Variants in DPP6 observed in about 807,000 individuals in gnomAD.
DPP6 encodes A-type potassium channel modulatory protein DPP6.
In DPP6, 69 loss-of-function variants were observed where a neutral mutation model predicts 122.6. The ratio of observed to expected loss-of-function variants is 0.56; its 90% CI spans 0.46 to 0.69. The LOEUF (loss-of-function observed/expected upper bound fraction) is 0.69. Ranked by LOEUF, DPP6 falls within the 30% of genes least tolerant of loss-of-function variation. The pLI, the probability that DPP6 is intolerant of heterozygous loss-of-function variation, is 0.00. For synonymous variants in DPP6, 418 were observed against 433.1 expected (o/e 0.97, Z 0.43); for missense variants, 928 against 1,116.9 (o/e 0.83, Z 2.41).
chr7:153,936,891 C>T (rs931762130), intron 1 of DPP6, among the ~76,000 whole-genome samples: 4 of 152,158 alleles, frequency 2.6e-5, no homozygotes, highest in South Asian at 2.1e-4. Flanking sequence ...ACGCTTCTGT[C>T]GTTTATGCCA....
chr7:154,473,342 T>G (rs1822455479), intron 2 of DPP6, among the ~76,000 whole-genome samples: 1 of 152,186 alleles, frequency 6.6e-6, no homozygotes, highest in Non-Finnish European at 1.5e-5. Context: ...AGAACTTGGT[T>G]TGGTTTAATG....
chr7:153,829,533 T>A, the DPP6 span, among the ~76,000 whole-genome samples: 2 of 152,184 alleles, frequency 1.3e-5, no homozygotes, highest in East Asian at 3.8e-4. Flanking sequence ...CTTTTTTGTC[T>A]CTCTCCTTCC....
the DPP6 span, among the ~76,000 whole-genome samples, chr7:153,870,978 C>G: frequency 1.3e-5 from 2 of 152,284 alleles, no homozygotes; most frequent in East Asian, 1.9e-4. Context: ...ATTGGTGAAC[C>G]TCAAATGCTG....
intron 4 of DPP6, among the ~76,000 whole-genome samples, chr7:154,547,949 G>A (rs551531496): frequency 9.9e-5 from 15 of 151,806 alleles, no homozygotes; most frequent in Middle Eastern, 6.9e-3. Context: ...TGGCTCACGC[G>A]TGTAATCCCA....
the DPP6 span, among the ~76,000 whole-genome samples, chr7:153,826,839 A>AAT: frequency 1.5e-5 from 2 of 129,940 alleles, no homozygotes; most frequent in African/African-American, 2.7e-5. Flanking sequence ...ATATTCAGCA[A>AAT]ATATATATAT....
intron 3 of DPP6, 29 bp downstream of exon 3, chr7:154,475,066 A>G (rs370405076): frequency 3.2e-6 from 5 of 1,553,758 alleles, no homozygotes; most frequent in African/African-American, 2.7e-5. Context: ...TGCACAAGAC[A>G]TCGCTTCCCC....
At chr7:154,326,478 G>A (rs565396547) in intron 1 of DPP6, among the ~76,000 whole-genome samples, 1 of 152,280 alleles carries the variant, frequency 6.6e-6, no homozygotes, top group East Asian at 1.9e-4. Flanking sequence ...TTTAAGAAAT[G>A]CGATATGAAT....
At chr7:154,013,088 C>G (rs1563100013) in intron 1 of DPP6, among the ~76,000 whole-genome samples, 1 of 152,230 alleles carries the variant, frequency 6.6e-6, no homozygotes, top group Non-Finnish European at 1.5e-5. Flanking sequence ...TAGTCTCTGC[C>G]TCTCCCAGGC....
intron 1 of DPP6, among the ~76,000 whole-genome samples, chr7:154,104,114 T>A (rs1805963481): frequency 6.6e-6 from 1 of 152,226 alleles, no homozygotes; most frequent in South Asian, 2.1e-4. Flanking sequence ...CCACCCTTCT[T>A]TGTCTCTTCT....
intron 10 of DPP6, among the ~76,000 whole-genome samples, chr7:154,777,936 C>G (rs1379371610): frequency 6.6e-6 from 1 of 152,168 alleles, no homozygotes; most frequent in Non-Finnish European, 1.5e-5. Flanking sequence ...ATCCCAAGCA[C>G]CAAGGATTTA....
Position 154,772,904 on chromosome 7 carries a change from T to G in DPP6, c.1098T>G (p.His366Gln). The change falls in exon 10 of 26, where the codon CAT (histidine) becomes CAG (glutamine). Residue 366 changes from histidine (H) to glutamine (Q), a missense_variant. Transcript: ENST00000377770. ...TTATTGGCTTAAATGGACCCACCCA[T>G]GATCTGGAGATGATGCCGCCTGATG... ...LHVIGLNGPT[H>Q]DLEMMPPDDP... 1.2e-6 allele frequency: 2 copies of G among 1,612,174 alleles called. No individual in the cohort carries two copies. Among genetic ancestry groups the G allele is most frequent in the East Asian group, 2.2e-5 (1 of 44,824 alleles).
At chr7:154,252,965 C>A (rs1336160319) in intron 1 of DPP6, among the ~76,000 whole-genome samples, 2 of 152,180 alleles carry the variant, frequency 1.3e-5, no homozygotes, top group Admixed American at 6.5e-5. Context: ...TTAAAAATCT[C>A]TACTAAGACA....
intron 1 of DPP6, among the ~76,000 whole-genome samples, chr7:154,074,131 A>AGAGAGAGATATC (rs1803370081): frequency 6.8e-6 from 1 of 147,928 alleles, no homozygotes; most frequent in African/African-American, 2.5e-5. Flanking sequence ...AGATATCTAT[A>AGAGAGAGATATC]TATATCTCTC....
At chr7:154,802,742 TAGG>T (rs1247720797) in intron 13 of DPP6, among the ~76,000 whole-genome samples, 1 of 149,076 alleles carries the variant, frequency 6.7e-6, no homozygotes, top group Non-Finnish European at 1.5e-5. Context: ...GAGACTGAAG[TAGG>T]AGAATTGCTT....
chr7:154,786,616 G>A (rs138011605), intron 10 of DPP6, among the ~76,000 whole-genome samples: 1,539 of 152,152 alleles, frequency 0.01, 21 homozygotes, highest in African/African-American at 0.034. Flanking sequence ...GTTTCCTGAG[G>A]CCTCTGCAGC....
chr7:154,599,494 TTTATTATTA>T (rs144958836), intron 5 of DPP6, among the ~76,000 whole-genome samples: 13 of 149,146 alleles, frequency 8.7e-5, no homozygotes, highest in African/African-American at 2.2e-4. Flanking sequence ...TGGACTTCTT[TTTATTATTA>T]TTATTATTAT....
Position 154,807,050 on chromosome 7 carries a change from A to C in DPP6, c.1604A>C (p.Asn535Thr), listed in dbSNP as rs766605900. The change falls in exon 16 of 26, where the codon AAC becomes ACC. Residue 535 changes from asparagine to threonine, a missense_variant. Transcript: ENST00000377770. The part of the protein sequence containing the change: ...RQCLSCDLVE[N>T]CTYFSASFSH... ...TGCCTCTCCTGTGACCTGGTTGAGA[A>C]CTGCACCTACTTCAGCGCTTCCTTC... 6.2e-7 allele frequency: 1 copy of C among 1,613,878 alleles called. No individual in the cohort carries two copies. The highest frequency in any genetic ancestry group is 1.1e-5 in the South Asian group (1 of 91,076).
chr7:153,791,497 C>A, the DPP6 span, among the ~76,000 whole-genome samples: 721 of 131,956 alleles, frequency 5.5e-3, 14 homozygotes, highest in South Asian at 0.077. Flanking sequence ...TGGCTCACTG[C>A]AACCTCTGCC....
At chr7:154,506,396 T>C (rs1825666647) in intron 3 of DPP6, among the ~76,000 whole-genome samples, 1 of 152,178 alleles carries the variant, frequency 6.6e-6, no homozygotes, top group Non-Finnish European at 1.5e-5. Flanking sequence ...GGGTGACTAT[T>C]GAATATATAG....
Sources: gnomAD v4.1 joint callset for allele counts (sites outside exome capture counted in the v4.1 genomes callset) on GRCh38, gnomAD v4.1.1 for gene constraint, MANE v1.5 for transcripts, NCBI Gene and HGNC (gene_info 2026-07-23, HGNC 2026-07-21) for gene names.